The following SH3GL3 variants were observed in gnomAD, a reference collection of about 807,000 sequenced individuals.
SH3GL3 encodes SH3 domain containing GRB2 like 3, endophilin A3, also known as endophilin-A3.
A neutral mutation model predicts 47.7 loss-of-function variants in SH3GL3; 33 were observed. The observed-to-expected ratio is 0.69, with a 90% confidence interval of 0.52 to 0.92. The LOEUF (loss-of-function observed/expected upper bound fraction) is 0.92. Among genes scored for constraint, SH3GL3 ranks in the 40% least tolerant of loss-of-function variants. The pLI is 0.00. For missense variants in SH3GL3, 363 were observed against 417.8 expected (o/e 0.87, Z 1.14); for synonymous variants, 155 against 148.8 (o/e 1.04, Z -0.30).
chr15:83,591,520 A>G (rs1343602751), intron 8 of SH3GL3, among the ~76,000 whole-genome samples: 1 of 150,842 alleles, frequency 6.6e-6, no homozygotes, highest in East Asian at 1.9e-4. Context: ...TAATATGTGT[A>G]TGTAGTTTAA....
intron 1 of SH3GL3, among the ~76,000 whole-genome samples, chr15:83,537,214 T>C (rs1596206510): frequency 6.6e-6 from 1 of 152,252 alleles, no homozygotes; most frequent in East Asian, 1.9e-4. Flanking sequence ...CTTCTGTCTG[T>C]TGGAATGTTG....
At chr15:83,579,840 C>T (rs1305464098) in intron 6 of SH3GL3, among the ~76,000 whole-genome samples, 2 of 152,170 alleles carry the variant, frequency 1.3e-5, no homozygotes, top group Non-Finnish European at 2.9e-5. Context: ...TCACCTGATC[C>T]TTTTCCATGT....
chr15:83,542,210 A>G (rs919866688), intron 1 of SH3GL3, among the ~76,000 whole-genome samples: 25 of 152,154 alleles, frequency 1.6e-4, no homozygotes, highest in African/African-American at 6.0e-4. Context: ...TCTCAGCATC[A>G]TTTATTGAAA....
At chr15:83,562,820 A>G (rs1464221741) in intron 2 of SH3GL3, among the ~76,000 whole-genome samples, 1 of 152,196 alleles carries the variant, frequency 6.6e-6, no homozygotes, top group Non-Finnish European at 1.5e-5. Flanking sequence ...AATAAGACAT[A>G]TTTAGTTAAT....
intron 1 of SH3GL3, among the ~76,000 whole-genome samples, chr15:83,479,883 A>G (rs2151552611): frequency 6.6e-6 from 1 of 152,324 alleles, no homozygotes; most frequent in South Asian, 2.1e-4. Flanking sequence ...TGAAGATAAT[A>G]ATAATACCTC....
chr15:83,516,240 A>C (rs1353644639), intron 1 of SH3GL3, among the ~76,000 whole-genome samples: 2 of 152,088 alleles, frequency 1.3e-5, no homozygotes, highest in Non-Finnish European at 2.9e-5. Context: ...TATAAAGTGA[A>C]CACTAATGTT....
intron 6 of SH3GL3, among the ~76,000 whole-genome samples, chr15:83,586,191 T>C (rs763858797): frequency 5.9e-5 from 9 of 152,186 alleles, no homozygotes; most frequent in Non-Finnish European, 1.2e-4. Flanking sequence ...TTAATTAATC[T>C]CTTTCCTGTA....
chr15:83,471,806 C>T (rs1298548711), intron 1 of SH3GL3, among the ~76,000 whole-genome samples: 1 of 152,128 alleles, frequency 6.6e-6, no homozygotes, highest in East Asian at 1.9e-4. Flanking sequence ...TCATTTCTCT[C>T]ACTGGTTTCA....
chr15:83,620,622 A>G (rs997450036), downstream of SH3GL3, among the ~76,000 whole-genome samples: 1 of 152,236 alleles, frequency 6.6e-6, no homozygotes, highest in African/African-American at 2.4e-5. Flanking sequence ...AAGCCATGCT[A>G]TAAACAGACA....
chr15:83,584,072 G>C (rs2059900603), intron 6 of SH3GL3, among the ~76,000 whole-genome samples: 2 of 152,196 alleles, frequency 1.3e-5, no homozygotes, highest in African/African-American at 4.8e-5. Context: ...CCAGCCTAGA[G>C]TCCTAAAATC....
intron 8 of SH3GL3, among the ~76,000 whole-genome samples, chr15:83,614,848 G>A (rs2060772470): frequency 6.6e-6 from 1 of 152,050 alleles, no homozygotes; most frequent in Non-Finnish European, 1.5e-5. Flanking sequence ...CCCAACTCTT[G>A]TCTTCCTCCT....
chr15:83,626,838 C>T, the SH3GL3 span, among the ~76,000 whole-genome samples: 1 of 152,170 alleles, frequency 6.6e-6, no homozygotes, highest in African/African-American at 2.4e-5. Flanking sequence ...AGCTGTCAAA[C>T]ATGATACAAG....
chr15:83,479,121 T>C (rs1240427863), intron 1 of SH3GL3, among the ~76,000 whole-genome samples: 2 of 152,178 alleles, frequency 1.3e-5, no homozygotes, highest in Non-Finnish European at 1.5e-5. Flanking sequence ...TAATTTATGA[T>C]GTAAGGGCCA....
At chr15:83,477,562 T>C (rs1448100662) in intron 1 of SH3GL3, among the ~76,000 whole-genome samples, 1 of 152,222 alleles carries the variant, frequency 6.6e-6, no homozygotes, top group Non-Finnish European at 1.5e-5. Flanking sequence ...TGGCCAGTTT[T>C]AGCCTCGGTT....
At chr15:83,519,406 T>C (rs2043118017) in intron 1 of SH3GL3, among the ~76,000 whole-genome samples, 1 of 152,202 alleles carries the variant, frequency 6.6e-6, no homozygotes, top group Admixed American at 6.5e-5. Flanking sequence ...GATGCATTCG[T>C]AGGTAATTTT....
rs1206986247 is a variant in SH3GL3, at chr15:83,572,565, G to T, written c.332G>T (p.Gly111Val). Residue 111 changes from glycine to valine, a missense_variant and splice_region_variant, in exon 5 of 9, where the codon GGC becomes GTC. Physicochemically the swap from Gly to Val is moderately radical, Grantham distance 109. Transcript: ENST00000427482. ...TTTGTATTTATGTTTTCTATTCAAG[G>T]CAATGCATTGATAGAAGTTGGTGAA... ...GKELGEDSTF[G>V]NALIEVGESM... 3 of 1,611,592 alleles carry T rather than the reference G, an allele frequency of 1.9e-6. No individual in the cohort carries two copies. The highest frequency in any genetic ancestry group is 2.5e-6 in the Non-Finnish European group (3 of 1,178,328).
At chr15:83,608,745 C>A (rs1335197516) in intron 8 of SH3GL3, among the ~76,000 whole-genome samples, 1 of 150,904 alleles carries the variant, frequency 6.6e-6, no homozygotes, top group Non-Finnish European at 1.5e-5. Flanking sequence ...ACCCGCCCCC[C>A]ACTCCCCCCG....
intron 1 of SH3GL3, among the ~76,000 whole-genome samples, chr15:83,553,513 C>A (rs1486782242): frequency 2.0e-5 from 3 of 152,026 alleles, no homozygotes; most frequent in African/African-American, 7.2e-5. Flanking sequence ...CTTTATTCTC[C>A]CTTGTTTTCT....
intron 1 of SH3GL3, among the ~76,000 whole-genome samples, chr15:83,514,112 A>G (rs1044656818): frequency 1.3e-5 from 2 of 152,192 alleles, no homozygotes; most frequent in Non-Finnish European, 2.9e-5. Context: ...TCAAGGGCAA[A>G]AATCTCAGTG....
Sources: allele counts gnomAD v4.1 joint callset (sites outside exome capture counted in the v4.1 genomes callset), GRCh38; gene constraint gnomAD v4.1.1; transcripts MANE v1.5; gene names NCBI Gene and HGNC (gene_info 2026-07-23, HGNC 2026-07-21).